Variants in USP46 observed in about 807,000 individuals in gnomAD.
USP46 encodes ubiquitin specific peptidase 46.
Under a neutral mutation model 44.4 loss-of-function variants are expected in USP46, and 12 were observed. That is an observed-to-expected ratio of 0.27 (90% CI 0.17 to 0.44). USP46 has a LOEUF of 0.44. Ranked by LOEUF, USP46 falls within the 20% of genes least tolerant of loss-of-function variation. USP46 has a pLI of 1.00. For synonymous variants in USP46, 155 were observed against 161.5 expected (o/e 0.96, Z 0.31); for missense variants, 248 against 444.8 (o/e 0.56, Z 3.98).
chr4:52,626,029 T>G lies in USP46; in HGVS notation c.550A>C (p.Asn184His). The change falls in exon 4 of 9, where the codon AAC (asparagine) becomes CAC (histidine). Residue 184 changes from asparagine to histidine, a missense_variant. Asn to His is a moderately conservative substitution (Grantham distance 68). This residue lies in a region of USP46 where 98 missense variants were observed against 218.2 expected (regional missense o/e 0.45). Transcript: ENST00000441222. ...CCCCTAGTACTTACAGTTTCACAGTTCAAGCATCGAGTTTCATTGGTAAGC... is the reference window on the plus strand; with the variant it reads ...CCCCTAGTACTTACAGTTTCACAGTGCAAGCATCGAGTTTCATTGGTAAGC... ...GTLTNETRCL[N>H]CETVSSKDED... 1.2e-6 allele frequency: 2 copies of G among 1,613,662 alleles called. No individual in the cohort carries two copies. Among genetic ancestry groups the G allele is most frequent in the Non-Finnish European group, 1.7e-6 (2 of 1,179,806 alleles).
intron 1 of USP46, among the ~76,000 whole-genome samples, chr4:52,632,989 G>GAAAGAAAGAAAGAAAGAAAAGAAA (rs1717954136): frequency 1.6e-4 from 5 of 31,982 alleles, no homozygotes; most frequent in Non-Finnish European, 3.5e-4. Context: ...AGAAAGAAAA[G>GAAAGAAAGAAAGAAAGAAAAGAAA]AAAAGAAAGA....
intron 4 of USP46, among the ~76,000 whole-genome samples, chr4:52,612,503 T>C (rs1330294321): frequency 1.3e-5 from 2 of 152,312 alleles, no homozygotes; most frequent in East Asian, 1.9e-4. Flanking sequence ...AGTGGGATGC[T>C]AGAAGGCAGG....
In USP46 at chr4:52,636,168, A is replaced by G. The variant is rs373807754; in HGVS notation, c.37-5024T>C. Among the ~76,000 whole-genome samples, 63 of 152,276 alleles carry G rather than the reference A, an allele frequency of 4.1e-4. No individual in the cohort carries two copies. The South Asian group carries it at 4.1e-3, about 10-fold the overall frequency. ...AGGGTCCTTCCAAGTGAGAGACAGAAGCAGAAGAGATCAGAGTGAGGCAAT... is the reference window on the plus strand; with the variant it reads ...AGGGTCCTTCCAAGTGAGAGACAGAGGCAGAAGAGATCAGAGTGAGGCAAT... On this transcript the variant is annotated intron_variant, in intron 1 of 8. Coordinates refer to ENST00000441222, the MANE Select transcript of USP46 (RefSeq NM_022832.4).
chr4:52,626,310 T>C (rs1717582737), intron 3 of USP46, 63 bp from the exon 4 acceptor site: 1 of 1,345,862 alleles, frequency 7.4e-7, no homozygotes, highest in Non-Finnish European at 1.0e-6. Flanking sequence ...ATGTAATTAG[T>C]GTTACATGCC....
chr4:52,656,878 G>A (rs1411603463), intron 1 of USP46, among the ~76,000 whole-genome samples: 1 of 151,480 alleles, frequency 6.6e-6, no homozygotes, highest in Non-Finnish European at 1.5e-5. Flanking sequence ...AGTCTCTATG[G>A]AAAATTTAAA....
intron 1 of USP46, among the ~76,000 whole-genome samples, chr4:52,647,871 A>G (rs1718610119): frequency 6.6e-6 from 1 of 152,252 alleles, no homozygotes; most frequent in Admixed American, 6.5e-5. Flanking sequence ...CTGGAAAGCA[A>G]TCAGAGCCTG....
chr4:52,634,481 C>G (rs927543859), intron 1 of USP46, among the ~76,000 whole-genome samples: 71 of 145,926 alleles, frequency 4.9e-4, no homozygotes, highest in Non-Finnish European at 8.6e-4. Context: ...TGCACTCCAG[C>G]CTGGGCGACA....
chr4:52,629,575 T>G (rs1218557998), intron 2 of USP46: 3 of 456,160 alleles, frequency 6.6e-6, no homozygotes, highest in African/African-American at 6.0e-5. Context: ...CACAATGCCC[T>G]ATATTCCAGG....
At chr4:52,607,986 T>C (rs371225569) in intron 5 of USP46, among the ~76,000 whole-genome samples, 1 of 152,200 alleles carries the variant, frequency 6.6e-6, no homozygotes, top group Non-Finnish European at 1.5e-5. Context: ...ACAGGGCTGG[T>C]CCAAAAGTAG....
chr4:52,604,441 C>T (rs1411956370), intron 6 of USP46, 60 bp downstream of exon 6: 3 of 1,413,360 alleles, frequency 2.1e-6, no homozygotes, highest in Non-Finnish European at 3.0e-6. Context: ...CCCTGCTGGG[C>T]CCCACAGTCG....
intron 1 of USP46, among the ~76,000 whole-genome samples, chr4:52,655,856 T>C (rs1238897658): frequency 6.6e-6 from 1 of 152,196 alleles, no homozygotes; most frequent in African/African-American, 2.4e-5. Context: ...AAACTTCCAG[T>C]GAACAATAAA....
chr4:52,643,360 T>C (rs1376146766), intron 1 of USP46, among the ~76,000 whole-genome samples: 2 of 152,238 alleles, frequency 1.3e-5, no homozygotes, highest in East Asian at 3.8e-4. Context: ...TTACAGCCTA[T>C]GGGCAGAATA....
At chr4:52,642,594 A>C (rs1195108195) in intron 1 of USP46, among the ~76,000 whole-genome samples, 1 of 152,236 alleles carries the variant, frequency 6.6e-6, no homozygotes, top group Non-Finnish European at 1.5e-5. Flanking sequence ...TAGAATGAGA[A>C]CACACAAGTC....
chr4:52,595,071 G>T lies in USP46; in HGVS notation c.*2569C>A, dbSNP rs892474719. 2 of 151,774 alleles carry T rather than the reference G, an allele frequency of 1.3e-5. No individual in the cohort carries two copies. Among genetic ancestry groups the T allele is most frequent in the South Asian group, 4.2e-4 (2 of 4,786 alleles). 9.4% of individuals were successfully genotyped at this position (151,774 alleles called of 1,614,324 possible). ...AGTGTAAAACATTGTAACTTATTTT[G>T]TAACACCCAGCAGTTACAAGAAATA... On this transcript the variant is annotated 3_prime_UTR_variant, in exon 9 of 9. Transcript: ENST00000441222.
At chr4:52,658,199 T>G (rs771444054) in intron 1 of USP46, 1 of 455,628 alleles carries the variant, frequency 2.2e-6, no homozygotes, top group South Asian at 1.5e-5. Context: ...AATGCCTTAC[T>G]CCAATCTGAG....
chr4:52,637,022 C>G (rs1033753714), intron 1 of USP46, among the ~76,000 whole-genome samples: 9 of 151,970 alleles, frequency 5.9e-5, no homozygotes, highest in Non-Finnish European at 1.3e-4. Context: ...GTTGCTCAGG[C>G]TAGTCTCAAA....
chr4:52,650,216 G>A (rs1050336013), intron 1 of USP46, among the ~76,000 whole-genome samples: 1 of 152,216 alleles, frequency 6.6e-6, no homozygotes, highest in African/African-American at 2.4e-5. Flanking sequence ...CCCTAAATAA[G>A]AGAATGAATA....
At chr4:52,622,192 G>A (rs941734501) in intron 4 of USP46, among the ~76,000 whole-genome samples, 2 of 152,158 alleles carry the variant, frequency 1.3e-5, no homozygotes, top group African/African-American at 4.8e-5. Context: ...AAATTGCAAA[G>A]AAGTACACAG....
chr4:52,619,922 T>C (rs1396497513), intron 4 of USP46, among the ~76,000 whole-genome samples: 2 of 152,118 alleles, frequency 1.3e-5, no homozygotes, highest in Non-Finnish European at 2.9e-5. Context: ...CCTAAAATCA[T>C]CTCATCATTT....
Sources: gnomAD v4.1 joint callset for allele counts (sites outside exome capture counted in the v4.1 genomes callset) on GRCh38, gnomAD v4.1.1 for gene constraint, gnomAD v4.1.1 regional missense constraint, MANE v1.5 for transcripts, NCBI Gene and HGNC (gene_info 2026-07-23, HGNC 2026-07-21) for gene names.